The following ZNF341 variants were observed in gnomAD, a reference collection of about 807,000 sequenced individuals.
The protein encoded by ZNF341 is zinc finger protein 341.
Under a neutral mutation model 87.7 loss-of-function variants are expected in ZNF341, and 52 were observed. That is an observed-to-expected ratio of 0.59 (90% confidence interval 0.47 to 0.75). ZNF341 has a LOEUF of 0.75. Among genes scored for constraint, ZNF341 ranks in the 30% least tolerant of loss-of-function variants. ZNF341 has a pLI of 0.00. For synonymous variants in ZNF341, 459 were observed against 472.7 expected (o/e 0.97, Z 0.38); for missense variants, 977 against 1,145.9 (o/e 0.85, Z 2.13).
chr20:33,758,923 C>G (rs2019236850), intron 7 of ZNF341, 117 bp downstream of exon 7: 19 of 829,350 alleles, frequency 2.3e-5, no homozygotes, highest in Non-Finnish European at 3.8e-5. Context: ...GCTGCACTTG[C>G]ATGTTCAGGC....
chr20:33,766,471 A>G (rs2019408845), intron 8 of ZNF341, among the ~76,000 whole-genome samples: 1 of 152,108 alleles, frequency 6.6e-6, no homozygotes, highest in Admixed American at 6.6e-5. Context: ...CTGGGATTAC[A>G]GGTGTGAGCC....
intron 2 of ZNF341, among the ~76,000 whole-genome samples, chr20:33,742,355 C>T (rs1283749594): frequency 6.6e-6 from 1 of 152,116 alleles, no homozygotes; most frequent in African/African-American, 2.4e-5. Flanking sequence ...CGCCACCATG[C>T]CCAGCTAATT....
At chr20:33,778,098 C>A (rs568318878) in intron 10 of ZNF341, among the ~76,000 whole-genome samples, 2 of 152,244 alleles carry the variant, frequency 1.3e-5, no homozygotes, top group Admixed American at 6.6e-5. Flanking sequence ...CTGTTTCTGG[C>A]AGGAGATTTT....
intron 10 of ZNF341, among the ~76,000 whole-genome samples, chr20:33,771,856 A>T (rs1457369520): frequency 6.6e-6 from 1 of 151,246 alleles, no homozygotes; most frequent in African/African-American, 2.4e-5. Flanking sequence ...TCTCAACAAA[A>T]ATAGAAAAAT....
chr20:33,774,813 C>T (rs1434698273), intron 10 of ZNF341, among the ~76,000 whole-genome samples: 1 of 152,032 alleles, frequency 6.6e-6, no homozygotes, highest in Non-Finnish European at 1.5e-5. Flanking sequence ...ACAAAAAATA[C>T]AAAAATTAGC....
At chr20:33,774,363 A>G (rs1601278999) in intron 10 of ZNF341, among the ~76,000 whole-genome samples, 2 of 152,318 alleles carry the variant, frequency 1.3e-5, no homozygotes, top group Admixed American at 6.5e-5. Context: ...GTCAATGTTC[A>G]ATGCAGAGAA....
At chr20:33,740,214 T>C (rs1303555510) in intron 1 of ZNF341, among the ~76,000 whole-genome samples, 2 of 152,212 alleles carry the variant, frequency 1.3e-5, no homozygotes, top group African/African-American at 4.8e-5. Flanking sequence ...TGATCCAGGA[T>C]GGTGGATTGA....
chr20:33,754,530 C>T (rs920082772), intron 5 of ZNF341, among the ~76,000 whole-genome samples: 8 of 152,146 alleles, frequency 5.3e-5, no homozygotes, highest in Admixed American at 3.3e-4. Context: ...TGAGGGGCTG[C>T]GAGGGGATTT....
rs766949480 is a variant in ZNF341, at chr20:33,789,526, C to T, written c.1973C>T (p.Thr658Ile). 2.0e-5 allele frequency: 32 copies of T among 1,613,954 alleles called. No individual in the cohort carries two copies. Among genetic ancestry groups the T allele is most frequent in the Non-Finnish European group, 3.4e-6 (4 of 1,180,002 alleles). Residue 658 changes from threonine (T) to isoleucine (I), a missense_variant, in exon 14 of 15, where the codon ACA becomes ATA. Coordinates refer to ENST00000375200, the MANE Select transcript of ZNF341 (RefSeq NM_001282933.2). ...GTGGCTTTGGGTTTTAGGACGCACACAGGCTGCAGTAAGGAGTTCAACCGG... is the reference window on the plus strand; with the variant it reads ...GTGGCTTTGGGTTTTAGGACGCACATAGGCTGCAGTAAGGAGTTCAACCGG... Reference protein sequence around the residue: ...KKYKCPFSTHTGCSKEFNRPD... With the variant: ...KKYKCPFSTHIGCSKEFNRPD...
intron 14 of ZNF341, among the ~76,000 whole-genome samples, chr20:33,789,794 C>T (rs113635421): frequency 0.018 from 2,768 of 152,258 alleles, 90 homozygotes; most frequent in African/African-American, 0.062. Context: ...CAGACACAGT[C>T]CCCCAGTCCA....
At chr20:33,750,231 G>A (rs2019024625) in intron 4 of ZNF341, among the ~76,000 whole-genome samples, 1 of 152,154 alleles carries the variant, frequency 6.6e-6, no homozygotes, top group East Asian at 1.9e-4. Flanking sequence ...TGCTGGGATT[G>A]TAGACGTGAG....
rs546288370 is a variant in ZNF341 at position 33,747,337 on chromosome 20, C to T, written c.340-1586C>T. Among the ~76,000 whole-genome samples, 7 of 149,868 alleles carry T rather than the reference C, an allele frequency of 4.7e-5. No homozygotes were observed. In the South Asian group the frequency reaches 1.0e-3, roughly 22 times the overall value. Reference sequence around the variant, plus strand: ...TCTGGCATAAAACAGTCATTTTGGCCGGGCGCGGTGGCTCACGCCTGTAAT... The same window carrying T: ...TCTGGCATAAAACAGTCATTTTGGCTGGGCGCGGTGGCTCACGCCTGTAAT... On this transcript the variant is annotated intron_variant, in intron 3 of 14. Coordinates refer to ENST00000375200, the MANE Select transcript of ZNF341 (RefSeq NM_001282933.2).
rs954761067 is a variant in ZNF341, at chr20:33,732,698, G to A, written c.31+646G>A. ...GGCGCGGTGTGCCCGGCCGGGACGCGGTGTTCCCAGACCCAGGCCAGCAAA... is the reference window on the plus strand; with the variant it reads ...GGCGCGGTGTGCCCGGCCGGGACGCAGTGTTCCCAGACCCAGGCCAGCAAA... On this transcript the variant is annotated intron_variant, in intron 1 of 14. Transcript: ENST00000375200. This position sits in a 1 kb window ranked among gnomAD's most constrained non-coding sequence, Gnocchi z 4.5. 5.9e-5 allele frequency among the ~76,000 whole-genome samples: 9 copies of A among 152,198 alleles called. No individual in the cohort carries two copies. The highest frequency in any genetic ancestry group is 1.3e-4 in the Admixed American group (2 of 15,284).
At chr20:33,767,968 C>T (rs1357725777) in intron 9 of ZNF341, among the ~76,000 whole-genome samples, 3 of 152,150 alleles carry the variant, frequency 2.0e-5, no homozygotes, top group Admixed American at 1.3e-4. Flanking sequence ...AATGTGTATT[C>T]CAGTCAAGAT....
At chr20:33,742,369 G>T (rs1342000947) in intron 2 of ZNF341, among the ~76,000 whole-genome samples, 1 of 152,016 alleles carries the variant, frequency 6.6e-6, no homozygotes, top group African/African-American at 2.4e-5. Context: ...GCTAATTTTT[G>T]TATTTTTAGT....
intron 9 of ZNF341, among the ~76,000 whole-genome samples, chr20:33,768,847 A>G (rs935159060): frequency 6.6e-6 from 1 of 152,200 alleles, no homozygotes; most frequent in Non-Finnish European, 1.5e-5. Context: ...TCAAAGTATG[A>G]TTTTCGAGAT....
chr20:33,788,739 G>C lies in ZNF341; in HGVS notation c.1853-124G>C, dbSNP rs750264755. ...ACAAAGCCACTGAAGAATGAGAGAG[G>C]CTATTTTCTCCCCTGGCCACCTCCC... On this transcript the variant is annotated intron_variant, in intron 12 of 14. Coordinates refer to ENST00000375200, the MANE Select transcript of ZNF341 (RefSeq NM_001282933.2). 5.4e-6 allele frequency: 4 copies of C among 745,462 alleles called. No individual in the cohort carries two copies. The Admixed American group carries it at 8.0e-5, about 15-fold the overall frequency. 46.2% of individuals were successfully genotyped at this position (745,462 alleles called of 1,614,324 possible).
chr20:33,743,825 A>G (rs1359084316), intron 2 of ZNF341, among the ~76,000 whole-genome samples: 2 of 152,176 alleles, frequency 1.3e-5, no homozygotes, highest in Non-Finnish European at 2.9e-5. Flanking sequence ...TCATTCAACA[A>G]ACGTCCATTG....
intron 2 of ZNF341, among the ~76,000 whole-genome samples, chr20:33,743,236 T>A (rs1428476252): frequency 6.6e-6 from 1 of 152,098 alleles, no homozygotes; most frequent in Non-Finnish European, 1.5e-5. Flanking sequence ...TTCGCCATGT[T>A]GGCCAGGCTG....
Sources: gnomAD v4.1 joint callset for allele counts (sites outside exome capture counted in the v4.1 genomes callset) on GRCh38, gnomAD v4.1.1 for gene constraint, Gnocchi (gnomAD v3.1) non-coding constraint, MANE v1.5 for transcripts, NCBI Gene and HGNC (gene_info 2026-07-23, HGNC 2026-07-21) for gene names.